The following CLASP1 variants were observed in gnomAD, a reference collection of about 807,000 sequenced individuals.
The protein encoded by CLASP1 is CLIP-associating protein 1.
Under a neutral mutation model 192.3 loss-of-function variants are expected in CLASP1, and 38 were observed. That is an observed-to-expected ratio of 0.20 (90% CI 0.15 to 0.26). CLASP1 has a LOEUF of 0.26. CLASP1 is among the 10% of genes least tolerant of loss of function. CLASP1 has a pLI of 1.00. For missense variants in CLASP1, 1,433 were observed against 1,932.5 expected (o/e 0.74, Z 4.85); for synonymous variants, 691 against 712.8 (o/e 0.97, Z 0.49).
At chr2:121,592,947 A>G (rs557708094) in intron 2 of CLASP1, among the ~76,000 whole-genome samples, 2 of 152,280 alleles carry the variant, frequency 1.3e-5, no homozygotes, top group East Asian at 3.9e-4. Context: ...CGCCCGGCCT[A>G]ATAACTGTTT....
chr2:121,382,254 G>A (rs769099893), exon 33 of CLASP1: 1 of 1,608,546 alleles, frequency 6.2e-7, no homozygotes, highest in African/African-American at 1.3e-5. Context: ...GGAGCGGTGG[G>A]GATGGAGTTA....
intron 16 of CLASP1, among the ~76,000 whole-genome samples, chr2:121,450,618 A>G (rs1290591474): frequency 6.6e-6 from 1 of 152,228 alleles, no homozygotes; most frequent in Non-Finnish European, 1.5e-5. Flanking sequence ...TGGCTTAATG[A>G]GTAAAAGAAT....
intron 1 of CLASP1, among the ~76,000 whole-genome samples, chr2:121,643,284 G>A (rs1436720175): frequency 6.6e-6 from 1 of 152,140 alleles, no homozygotes; most frequent in Non-Finnish European, 1.5e-5. Flanking sequence ...TAAAGGAAAG[G>A]AGGAAATCTG....
At chr2:121,402,533 A>T in intron 26 of CLASP1, 1 of 509,156 alleles carries the variant, frequency 2.0e-6, no homozygotes, top group South Asian at 1.4e-5. Context: ...CAGCTGTGGG[A>T]TTCCTGGCTT....
intron 1 of CLASP1, among the ~76,000 whole-genome samples, chr2:121,616,489 AAATTTAAAGCCAATAGGTTGAT>A (rs1434334597): frequency 6.6e-6 from 1 of 152,190 alleles, no homozygotes; most frequent in Non-Finnish European, 1.5e-5. Context: ...AACAGGGTTG[AAATTTAAAGCCAATAGGTTGAT>A]AATTTAAAGC....
At chr2:121,424,906 C>T (rs892268933) in intron 22 of CLASP1, among the ~76,000 whole-genome samples, 5 of 152,150 alleles carry the variant, frequency 3.3e-5, no homozygotes, top group Admixed American at 6.5e-5. Flanking sequence ...CTGCAAAACA[C>T]AAAAGCCTAC....
intron 19 of CLASP1, among the ~76,000 whole-genome samples, chr2:121,440,819 G>GAA (rs11338192): frequency 0.043 from 5,697 of 132,124 alleles, 143 homozygotes; most frequent in East Asian, 0.14. Context: ...ACAAGTAACA[G>GAA]AAAAAAAAAA....
At chr2:121,397,103 A>T (rs370714840) in intron 30 of CLASP1, 37 bp downstream of exon 31, 53 of 1,608,096 alleles carry the variant, frequency 3.3e-5, no homozygotes, top group South Asian at 4.4e-5. Context: ...AAGCCCAGGA[A>T]CAATCTGTAA....
At chr2:121,649,404 AC>A (rs2073795874) in exon 1 of CLASP1, 1 of 148,842 alleles carries the variant, frequency 6.7e-6, no homozygotes, top group Non-Finnish European at 1.5e-5. Context: ...GCCGCTGCGG[AC>A]CAGAGAGCCG....
chr2:121,378,062 G>A (rs759725730), intron 33 of CLASP1, among the ~76,000 whole-genome samples: 3 of 152,168 alleles, frequency 2.0e-5, no homozygotes, highest in Non-Finnish European at 4.4e-5. Flanking sequence ...AATAAAGCTA[G>A]TACTATAAGC....
chr2:121,556,436 G>C (rs1184169760), intron 2 of CLASP1, among the ~76,000 whole-genome samples: 1 of 152,044 alleles, frequency 6.6e-6, no homozygotes, highest in Non-Finnish European at 1.5e-5. Context: ...AGCTTATCTA[G>C]TGGTCCTGCC....
intron 2 of CLASP1, among the ~76,000 whole-genome samples, chr2:121,569,249 G>C (rs900155114): frequency 1.3e-5 from 2 of 152,124 alleles, no homozygotes; most frequent in Non-Finnish European, 2.9e-5. Flanking sequence ...CGTCACAGAA[G>C]GTTTCTAAAC....
intron 1 of CLASP1, among the ~76,000 whole-genome samples, chr2:121,611,729 T>A (rs1315578462): frequency 4.2e-3 from 266 of 63,150 alleles, no homozygotes; most frequent in Middle Eastern, 0.038. Context: ...GAGGAGGAGG[T>A]GTTGGAGGAG....
At chr2:121,366,719 C>T (rs944078721) in intron 35 of CLASP1, among the ~76,000 whole-genome samples, 1 of 152,210 alleles carries the variant, frequency 6.6e-6, no homozygotes, top group African/African-American at 2.4e-5. Flanking sequence ...GTTCTAATTA[C>T]TCATTCAAAC....
chr2:121,600,219 T>C (rs544057632), intron 2 of CLASP1, among the ~76,000 whole-genome samples: 23 of 152,340 alleles, frequency 1.5e-4, no homozygotes, highest in East Asian at 3.9e-4. Flanking sequence ...TGATGTTCCA[T>C]ACTCTGGGCT....
At chr2:121,376,417 G>A (rs1283289870) in intron 34 of CLASP1, among the ~76,000 whole-genome samples, 1 of 150,672 alleles carries the variant, frequency 6.6e-6, no homozygotes. Flanking sequence ...AAATAAATGA[G>A]GTACATTAAG....
chr2:121,561,099 G>T (rs2059043446), intron 2 of CLASP1, among the ~76,000 whole-genome samples: 1 of 152,110 alleles, frequency 6.6e-6, no homozygotes, highest in Non-Finnish European at 1.5e-5. Context: ...CAGAGACAGG[G>T]TTTTGCCATG....
chr2:121,546,757 G>C (rs567064195), intron 2 of CLASP1, among the ~76,000 whole-genome samples: 2 of 152,134 alleles, frequency 1.3e-5, no homozygotes, highest in Admixed American at 1.3e-4. Context: ...AGGGCAAAAG[G>C]AGCTGCAATT....
intron 8 of CLASP1, among the ~76,000 whole-genome samples, chr2:121,485,753 C>T (rs962976238): frequency 2.6e-5 from 4 of 151,966 alleles, no homozygotes; most frequent in African/African-American, 9.7e-5. Flanking sequence ...CCTGTAATCC[C>T]AGCTACTACA....
Sources: allele counts gnomAD v4.1 joint callset (sites outside exome capture counted in the v4.1 genomes callset), GRCh38; gene constraint gnomAD v4.1.1; transcripts MANE v1.5; gene names NCBI Gene and HGNC (gene_info 2026-07-23, HGNC 2026-07-21).